Variants in CARF observed in about 807,000 individuals in gnomAD.
CARF encodes the protein calcium responsive transcription factor, also known as calcium-responsive transcription factor.
Under a neutral mutation model 82.0 loss-of-function variants are expected in CARF, and 57 were observed. The observed-to-expected ratio is 0.70, with a 90% confidence interval of 0.56 to 0.87. The LOEUF (loss-of-function observed/expected upper bound fraction) is 0.87, where lower values mean the gene tolerates loss of function less well. CARF is among the 40% of genes least tolerant of loss of function. The probability of loss-of-function intolerance (pLI) is 0.00; values close to 1 mark genes in which losing one functional copy is unlikely to be tolerated. For missense variants in CARF, 771 were observed against 855.8 expected, an observed-to-expected ratio of 0.90 and a Z score of 1.24; for synonymous variants, 268 against 290.1, an observed-to-expected ratio of 0.92 and a Z score of 0.77.
chr2:202,967,167 T>G, intron 10 of CARF, 69 bp downstream of exon 10: 1 of 1,516,372 alleles, frequency 6.6e-7, no homozygotes, highest in Non-Finnish European at 9.0e-7. Flanking sequence ...ACACATATTT[T>G]TATTAGGTTT....
chr2:202,968,732 AG>A (rs1042852976), intron 10 of CARF, among the ~76,000 whole-genome samples: 3 of 152,214 alleles, frequency 2.0e-5, no homozygotes, highest in Non-Finnish European at 4.4e-5. Context: ...CATAGGAAGG[AG>A]GGAAACCAAA....
chr2:202,917,210 C>CA (rs71034203), intron 1 of CARF, among the ~76,000 whole-genome samples: 35,526 of 46,872 alleles, frequency 0.76, 16,175 homozygotes, highest in East Asian at 0.92. Context: ...GACTCCGTCT[C>CA]AAAAAAAAAA....
Position 202,912,578 on chromosome 2 carries a change from C to G in CARF, c.-854C>G, listed in dbSNP as rs1470404380. The G allele has an allele frequency of 6.6e-6, 1 of 151,920 alleles. No homozygotes were observed. The highest frequency in any genetic ancestry group is 2.4e-5 in the African/African-American group (1 of 41,398). 9.4% of individuals were successfully genotyped at this position (151,920 alleles called of 1,614,324 possible). On this transcript the variant is annotated 5_prime_UTR_variant, in exon 1 of 17. Transcript: ENST00000438828. ...CAGCCGCAGCCGGTCACTGGCGGCG[C>G]CTTCCGCGCCAAGCTTGGGGGCCTT... is the stretch of plus-strand genomic sequence containing the variant.
intron 9 of CARF, among the ~76,000 whole-genome samples, chr2:202,965,497 T>C (rs971889799): frequency 3.9e-5 from 6 of 152,194 alleles, no homozygotes; most frequent in Non-Finnish European, 7.3e-5. Context: ...CTACCTTTTT[T>C]TTCTTTCTGA....
intron 3 of CARF, among the ~76,000 whole-genome samples, chr2:202,941,256 T>C (rs1392331017): frequency 6.6e-6 from 1 of 152,134 alleles, no homozygotes; most frequent in Non-Finnish European, 1.5e-5. Flanking sequence ...AATGGACTGA[T>C]TTTGTAGCTT....
chr2:202,925,160 A>T, intron 3 of CARF: 1 of 327,286 alleles, frequency 3.1e-6, no homozygotes, highest in South Asian at 2.7e-5. Context: ...CCAGTGGAGG[A>T]CTATCAAAAG....
Position 202,984,464 on chromosome 2 carries a change from T to A in CARF, c.*840T>A, listed in dbSNP as rs1164718856. 6.6e-6 allele frequency: 1 copy of A among 152,176 alleles called. No individual in the cohort carries two copies. Among genetic ancestry groups the A allele is most frequent in the Non-Finnish European group, 1.5e-5 (1 of 68,016 alleles). 9.4% of individuals were successfully genotyped at this position (152,176 alleles called of 1,614,324 possible). On this transcript the variant is annotated 3_prime_UTR_variant, in exon 17 of 17. Coordinates refer to ENST00000438828, the MANE Select transcript of CARF (RefSeq NM_024744.17). ...AGAATTCCTTGGTGTTTACAGATAA[T>A]TTGGAAAACTTTTTGATGACAGCAG...
At chr2:202,981,749 T>C (rs1415504835) in intron 15 of CARF, 64 bp downstream of exon 15, 3 of 1,380,104 alleles carry the variant, frequency 2.2e-6, no homozygotes, top group African/African-American at 2.9e-5. Context: ...TTACCTCTTC[T>C]TCTCCTAGGG....
Position 202,982,405 on chromosome 2 carries a change from A to T in CARF, c.2023A>T (p.Ile675Phe), listed in dbSNP as rs1230674055. 1 of 1,614,100 alleles carries T rather than the reference A, an allele frequency of 6.2e-7. No homozygotes were observed. The highest frequency in any genetic ancestry group is 8.5e-7 in the Non-Finnish European group (1 of 1,179,984). Residue 675 changes from isoleucine (I) to phenylalanine (F), a missense_variant, in exon 16 of 17, where the codon ATT becomes TTT. Ile to Phe is a conservative substitution (Grantham distance 21). Transcript: ENST00000438828. ...HRILLGDVQT[I>F]PIQIIDNHSA... ...GATTCTGTTGGGAGATGTGCAGACT[A>T]TTCCAATACAGATTATAGACAACCA...
chr2:202,925,092 GGACACAC>G (rs1406646935), intron 3 of CARF: 4 of 407,038 alleles, frequency 9.8e-6, no homozygotes, highest in Non-Finnish European at 1.9e-5. Flanking sequence ...AGCAGCAACT[GGACACAC>G]TGAGCCAGGA....
intron 9 of CARF, chr2:202,962,960 T>C (rs1246507313): frequency 3.3e-5 from 5 of 150,414 alleles, no homozygotes; most frequent in Admixed American, 1.3e-4. Context: ...TTCTAGAGTA[T>C]ATGCCTTAAA....
chr2:202,968,640 T>A (rs948230393), intron 10 of CARF, among the ~76,000 whole-genome samples: 2 of 152,114 alleles, frequency 1.3e-5, no homozygotes, highest in Admixed American at 1.3e-4. Flanking sequence ...AACCTCTACA[T>A]GTGAAGAAAT....
chr2:202,926,585 C>T (rs1574497392), intron 3 of CARF, among the ~76,000 whole-genome samples: 1 of 152,156 alleles, frequency 6.6e-6, no homozygotes, highest in Admixed American at 6.5e-5. Context: ...GCTGTTCAAC[C>T]TTTGCACTTC....
intron 13 of CARF, among the ~76,000 whole-genome samples, chr2:202,976,252 G>A (rs1378375875): frequency 1.3e-5 from 2 of 151,214 alleles, no homozygotes; most frequent in Admixed American, 6.6e-5. Flanking sequence ...CTGGCTCAGT[G>A]CAACCTCCAT....
rs755987427 is a variant in CARF, at chr2:202,961,251, A to G, written c.657A>G (p.Ser219=). ...ACCACATGCAGAAAATTGGAGATTCATACCGTGGCTACTGTGTAAGTGAGA... is the reference window on the plus strand; with the variant it reads ...ACCACATGCAGAAAATTGGAGATTCGTACCGTGGCTACTGTGTAAGTGAGA... The part of the protein sequence containing the change: ...RLRSCEKIGD[S]YRGYCVSETE... The change falls in exon 9 of 17, where the codon TCA becomes TCG. Residue 219 remains serine (S), a synonymous_variant. Coordinates refer to ENST00000438828, the MANE Select transcript of CARF (RefSeq NM_024744.17). 1.2e-5 allele frequency: 20 copies of G among 1,607,472 alleles called. No homozygotes were observed. The South Asian group carries it at 2.2e-4, about 18-fold the overall frequency.
At position 202,942,735 on chromosome 2, in the gene CARF, A is replaced by C. The variant is rs1559215865; in HGVS notation, c.79-5A>C. The stretch of plus-strand genomic sequence containing the variant: ...CTGAAGTGATTTTTTTTTTCCTTAC[A>C]AAAGCATCTAATCTGTATGGACTCC... On this transcript the variant is annotated splice_region_variant and splice_polypyrimidine_tract_variant and intron_variant, in intron 4 of 16. Transcript: ENST00000438828. 1 of 1,565,076 alleles carries C rather than the reference A, an allele frequency of 6.4e-7. No homozygotes were observed. The highest frequency in any genetic ancestry group is 2.3e-5 in the East Asian group (1 of 43,868).
At chr2:202,942,057 G>A (rs1000466455) in intron 4 of CARF, 77 bp downstream of exon 4, 2 of 1,137,692 alleles carry the variant, frequency 1.8e-6, no homozygotes, top group African/African-American at 1.5e-5. Flanking sequence ...ATGCTCAAGG[G>A]ATAGCTGTTA....
chr2:202,943,755 C>A (rs1478519638), intron 5 of CARF, among the ~76,000 whole-genome samples: 2 of 151,840 alleles, frequency 1.3e-5, no homozygotes, highest in Non-Finnish European at 2.9e-5. Context: ...TCAAGCAGTT[C>A]TCTTGCCTCA....
chr2:202,952,379 T>C (rs970764968), intron 5 of CARF, among the ~76,000 whole-genome samples, 180 bp from the exon 6 acceptor site: 2 of 152,222 alleles, frequency 1.3e-5, no homozygotes, highest in Non-Finnish European at 2.9e-5. Flanking sequence ...TCACCACTTA[T>C]AAGTTGTGAG....
Sources: allele counts gnomAD v4.1 joint callset (sites outside exome capture counted in the v4.1 genomes callset), GRCh38; gene constraint gnomAD v4.1.1; transcripts MANE v1.5; gene names NCBI Gene and HGNC (gene_info 2026-07-23, HGNC 2026-07-21).